The following GPC5 variants were observed in gnomAD, a reference collection of about 807,000 sequenced individuals.
GPC5 encodes the protein glypican 5, also known as glypican-5.
A neutral mutation model predicts 53.9 loss-of-function variants in GPC5; 47 were observed. The observed-to-expected ratio is 0.87, with a 90% CI of 0.69 to 1.11. The LOEUF (loss-of-function observed/expected upper bound fraction) is 1.11. Ranked by LOEUF, GPC5 falls within the 50% of genes most tolerant of loss-of-function variation. The pLI, the probability that GPC5 is intolerant of heterozygous loss-of-function variation, is 0.00. For synonymous variants in GPC5, 286 were observed against 263.3 expected, an observed-to-expected ratio of 1.09 and a Z score of -0.84; for missense variants, 748 against 713.1, an observed-to-expected ratio of 1.05 and a Z score of -0.56.
intron 7 of GPC5, among the ~76,000 whole-genome samples, chr13:92,551,212 T>C (rs1882299194): frequency 6.9e-6 from 1 of 145,080 alleles, no homozygotes; most frequent in Admixed American, 6.8e-5. Context: ...CAATGTGTGA[T>C]AGTTTAAGAT....
intron 7 of GPC5, among the ~76,000 whole-genome samples, chr13:92,268,397 A>G (rs1420478313): frequency 6.6e-6 from 1 of 151,946 alleles, no homozygotes; most frequent in African/African-American, 2.4e-5. Flanking sequence ...GCACAGATAT[A>G]TAACAAAATA....
chr13:92,099,557 T>C (rs1197608604), intron 6 of GPC5, among the ~76,000 whole-genome samples: 1 of 152,228 alleles, frequency 6.6e-6, no homozygotes, highest in African/African-American at 2.4e-5. Flanking sequence ...TTGTGCCCTC[T>C]TGTTTTCTTG....
chr13:92,748,403 G>A (rs370659707), intron 7 of GPC5, among the ~76,000 whole-genome samples: 3 of 150,586 alleles, frequency 2.0e-5, no homozygotes, highest in Non-Finnish European at 3.0e-5. Context: ...GCATGATCTC[G>A]GCTCACTGCA....
intron 6 of GPC5, among the ~76,000 whole-genome samples, chr13:92,042,959 A>G (rs1002944956): frequency 6.6e-6 from 1 of 152,220 alleles, no homozygotes; most frequent in African/African-American, 2.4e-5. Context: ...AGTGGAAAAT[A>G]CAATAAACAG....
chr13:92,020,061 A>G (rs2040743971), intron 6 of GPC5, among the ~76,000 whole-genome samples: 1 of 152,068 alleles, frequency 6.6e-6, no homozygotes, highest in African/African-American at 2.4e-5. Context: ...TCTAGAGACC[A>G]CTCATATTCC....
At chr13:91,519,455 G>A (rs1161208727) in intron 2 of GPC5, among the ~76,000 whole-genome samples, 1 of 152,034 alleles carries the variant, frequency 6.6e-6, no homozygotes, top group Non-Finnish European at 1.5e-5. Context: ...TCCTCTTTCT[G>A]TTCTCATGAG....
chr13:91,972,746 GAAATTCTGGGTTGA>G (rs1361687594), intron 6 of GPC5, among the ~76,000 whole-genome samples: 1 of 152,134 alleles, frequency 6.6e-6, no homozygotes, highest in Non-Finnish European at 1.5e-5. Context: ...GGCTGGATAT[GAAATTCTGGGTTGA>G]AAATTCTTTT....
intron 7 of GPC5, among the ~76,000 whole-genome samples, chr13:92,227,206 G>C (rs962937025): frequency 6.6e-6 from 1 of 152,134 alleles, no homozygotes; most frequent in South Asian, 2.1e-4. Context: ...TCTACCACTT[G>C]GTAGAGTGAT....
chr13:92,302,166 T>C (rs981835938), intron 7 of GPC5, among the ~76,000 whole-genome samples: 3 of 152,206 alleles, frequency 2.0e-5, no homozygotes, highest in Non-Finnish European at 4.4e-5. Flanking sequence ...CCATTCCAGA[T>C]CTTGCAAGTG....
intron 7 of GPC5, among the ~76,000 whole-genome samples, chr13:92,441,190 G>A (rs987358571): frequency 6.6e-6 from 1 of 152,148 alleles, no homozygotes; most frequent in Non-Finnish European, 1.5e-5. Context: ...TCATGAATCA[G>A]CCTCCCAAGT....
intron 1 of GPC5, among the ~76,000 whole-genome samples, chr13:91,445,716 C>T (rs1880756310): frequency 6.6e-6 from 1 of 152,114 alleles, no homozygotes; most frequent in African/African-American, 2.4e-5. Context: ...CTCAAGTGAT[C>T]TGCTCACCTT....
At chr13:92,139,757 A>C (rs2041816236) in intron 6 of GPC5, among the ~76,000 whole-genome samples, 1 of 152,108 alleles carries the variant, frequency 6.6e-6, no homozygotes, top group Non-Finnish European at 1.5e-5. Flanking sequence ...GCCAGTCAAT[A>C]AGTGTAAAAC....
intron 6 of GPC5, among the ~76,000 whole-genome samples, chr13:92,071,484 C>T (rs2041210891): frequency 6.6e-6 from 1 of 152,040 alleles, no homozygotes; most frequent in Non-Finnish European, 1.5e-5. Context: ...GGGAATCTAA[C>T]TTCATTTTGT....
At chr13:92,865,341 G>A (rs1041184664) in intron 7 of GPC5, among the ~76,000 whole-genome samples, 1 of 152,096 alleles carries the variant, frequency 6.6e-6, no homozygotes, top group African/African-American at 2.4e-5. Flanking sequence ...CCTCACAGCT[G>A]TATGTGTGTA....
At chr13:92,026,435 G>T (rs1169572470) in intron 6 of GPC5, among the ~76,000 whole-genome samples, 1 of 150,846 alleles carries the variant, frequency 6.6e-6, no homozygotes, top group African/African-American at 2.4e-5. Context: ...TTATGAAATA[G>T]GGATTTTTTT....
intron 7 of GPC5, among the ~76,000 whole-genome samples, chr13:92,407,357 T>G (rs1875837266): frequency 1.3e-5 from 2 of 152,238 alleles, no homozygotes; most frequent in African/African-American, 4.8e-5. Flanking sequence ...CATTAACTGA[T>G]AAAATAGCCC....
intron 7 of GPC5, among the ~76,000 whole-genome samples, chr13:92,831,666 T>G (rs1212514612): frequency 6.6e-6 from 1 of 152,166 alleles, no homozygotes. Flanking sequence ...TGATTCCATG[T>G]GATAGAAAAG....
chr13:92,116,467 T>C (rs1486937196), intron 6 of GPC5, among the ~76,000 whole-genome samples: 2 of 152,200 alleles, frequency 1.3e-5, no homozygotes, highest in Admixed American at 6.5e-5. Context: ...TTCTTTGTCA[T>C]GGCAGCCATA....
chr13:92,407,025 T>C (rs1875824248), intron 7 of GPC5, among the ~76,000 whole-genome samples: 1 of 152,210 alleles, frequency 6.6e-6, no homozygotes, highest in Non-Finnish European at 1.5e-5. Context: ...CTAAAAAATG[T>C]GCTCTTGAAA....
Sources: allele counts gnomAD v4.1 joint callset (sites outside exome capture counted in the v4.1 genomes callset), GRCh38; gene constraint gnomAD v4.1.1; transcripts MANE v1.5; gene names NCBI Gene and HGNC (gene_info 2026-07-23, HGNC 2026-07-21).